PTPRN2: variants seen among roughly 807,000 people sequenced by gnomAD.
The protein encoded by PTPRN2 is protein tyrosine phosphatase receptor type N2, also known as receptor-type tyrosine-protein phosphatase N2.
PTPRN2 carries 74 observed loss-of-function variants against 118.8 expected under a neutral mutation model. That is an observed-to-expected ratio of 0.62 (90% CI 0.52 to 0.76). The LOEUF (loss-of-function observed/expected upper bound fraction) is 0.76, where lower values mean the gene tolerates loss of function less well. PTPRN2 is among the 30% of genes least tolerant of loss of function. The pLI is 0.00. For synonymous variants in PTPRN2, 641 were observed against 608.0 expected, an observed-to-expected ratio of 1.05 and a Z score of -0.80; for missense variants, 1,481 against 1,394.4, an observed-to-expected ratio of 1.06 and a Z score of -0.99.
At position 157,621,401 on chromosome 7, in the gene PTPRN2, C is replaced by T; in HGVS notation, c.2305G>A (p.Glu769Lys). ...AGGGAGCGGTTCTTGGGCACGTTCTCCTCCCTCTGGGCCACGAACGAGCTG... is the reference window on the plus strand; with the variant it reads ...AGGGAGCGGTTCTTGGGCACGTTCTTCTCCCTCTGGGCCACGAACGAGCTG... ...PNSSFVAQRE[E>K]NVPKNRSLAV... Residue 769 changes from glutamate (E) to lysine (K), a missense_variant, in exon 15 of 23, where the codon GAG becomes AAG. By Grantham distance (56) the Glu-to-Lys change is moderately conservative. Transcript: ENST00000389418. 1.2e-6 allele frequency: 2 copies of T among 1,605,542 alleles called. No homozygotes were observed. The highest frequency in any genetic ancestry group is 2.2e-5 in the East Asian group (1 of 44,634).
At chr7:158,458,037 G>A (rs1018078516) in intron 2 of PTPRN2, among the ~76,000 whole-genome samples, 4 of 152,218 alleles carry the variant, frequency 2.6e-5, no homozygotes, top group South Asian at 4.1e-4. Context: ...AAAGCTCTAA[G>A]AGAAAGTTAA....
chr7:158,293,903 A>G (rs1013636716), intron 3 of PTPRN2, among the ~76,000 whole-genome samples: 3 of 152,238 alleles, frequency 2.0e-5, no homozygotes, highest in Admixed American at 2.0e-4. Context: ...ATCATCTCCT[A>G]TGAGAAGAAT....
At chr7:158,338,650 T>A (rs534647439) in intron 2 of PTPRN2, among the ~76,000 whole-genome samples, 1 of 29,250 alleles carries the variant, frequency 3.4e-5, no homozygotes, top group African/African-American at 2.6e-4. Flanking sequence ...TAAAAGCTGA[T>A]GCCTGCAGAC....
intron 6 of PTPRN2, among the ~76,000 whole-genome samples, chr7:158,146,785 C>A (rs1044410380): frequency 1.3e-5 from 2 of 149,128 alleles, no homozygotes; most frequent in African/African-American, 5.0e-5. Flanking sequence ...TTCTTGAGGG[C>A]TACAACATTG....
chr7:157,848,397 C>T (rs1235554993), intron 12 of PTPRN2, among the ~76,000 whole-genome samples: 2 of 131,406 alleles, frequency 1.5e-5, no homozygotes, highest in South Asian at 2.5e-4. Flanking sequence ...CATATGTGCC[C>T]AATGTTTACA....
intron 2 of PTPRN2, among the ~76,000 whole-genome samples, chr7:158,410,847 G>A (rs4909214): frequency 4.2e-3 from 38 of 9,092 alleles, no homozygotes; most frequent in Admixed American, 6.2e-3. Context: ...GGGAGGCCCC[G>A]GAGGGACAGT....
chr7:158,368,944 A>G (rs2151311668), intron 2 of PTPRN2, among the ~76,000 whole-genome samples: 1 of 152,274 alleles, frequency 6.6e-6, no homozygotes, highest in African/African-American at 2.4e-5. Context: ...TGTGTCTGTG[A>G]GGGCGTTGCC....
Position 158,526,371 on chromosome 7 carries a change from C to T in PTPRN2, c.113-36586G>A, listed in dbSNP as rs1029264738. Among the ~76,000 whole-genome samples the T allele has an allele frequency of 3.9e-5, 6 of 152,324 alleles. No individual in the cohort carries two copies. Among genetic ancestry groups the T allele is most frequent in the Middle Eastern group, 6.8e-3 (2 of 294 alleles). ...CTGCAGAGATAACCAGGTAGAGCCA[C>T]GCTCACGAGAACCACCAGCCACTCT... is the stretch of plus-strand genomic sequence containing the variant. On this transcript the variant is annotated intron_variant, in intron 1 of 22. Coordinates refer to ENST00000389418, the MANE Select transcript of PTPRN2 (RefSeq NM_002847.5). The surrounding 1 kb of genome is among the most constrained non-coding windows in gnomAD (Gnocchi z 5.2).
At chr7:158,037,259 G>A (rs941641229) in intron 11 of PTPRN2, among the ~76,000 whole-genome samples, 1 of 152,242 alleles carries the variant, frequency 6.6e-6, no homozygotes, top group African/African-American at 2.4e-5. Flanking sequence ...CACATGCCAT[G>A]TAAGTACAGA....
chr7:158,404,767 T>C (rs1586587676), intron 2 of PTPRN2, among the ~76,000 whole-genome samples: 1 of 66,712 alleles, frequency 1.5e-5, no homozygotes, highest in Admixed American at 1.9e-4. Context: ...CGGCCTCAGC[T>C]CCCCGGCCCC....
In PTPRN2 at chr7:157,940,047, T is replaced by C. The variant is rs116096920; in HGVS notation, c.1724-41310A>G. ...CTGAGTGGAGGAAGGCGTCGCTGCA[T>C]GGGCAGTTGAGAGCAGAGAGGCCCC... is the stretch of plus-strand genomic sequence containing the variant. On this transcript the variant is annotated intron_variant, in intron 11 of 22. Coordinates refer to ENST00000389418, the MANE Select transcript of PTPRN2 (RefSeq NM_002847.5). Among the ~76,000 whole-genome samples the C allele has an allele frequency of 6.4e-3, 970 of 152,248 alleles. 9 individuals carry two copies. The highest frequency in any genetic ancestry group is 0.022 in the African/African-American group (905 of 41,532).
At chr7:158,232,405 G>GAA (rs1209063049) in intron 3 of PTPRN2, among the ~76,000 whole-genome samples, 1 of 151,960 alleles carries the variant, frequency 6.6e-6, no homozygotes, top group Non-Finnish European at 1.5e-5. Flanking sequence ...TGAAGAAATA[G>GAA]AAAACTTCAA....
intron 21 of PTPRN2, among the ~76,000 whole-genome samples, chr7:157,559,674 G>A (rs1031664127): frequency 2.0e-5 from 3 of 152,304 alleles, no homozygotes; most frequent in Non-Finnish European, 2.9e-5. Flanking sequence ...AGCCTGGACC[G>A]TGGAGCTGTG....
At chr7:157,984,306 CCACCCCA>C in intron 11 of PTPRN2, among the ~76,000 whole-genome samples, 1 of 134,146 alleles carries the variant, frequency 7.5e-6, no homozygotes, top group Non-Finnish European at 1.6e-5. Flanking sequence ...ACGCCAGGCT[CCACCCCA>C]TCCCACGCCA....
chr7:157,567,262 TA>T (rs1799533650), intron 21 of PTPRN2, among the ~76,000 whole-genome samples: 1 of 152,344 alleles, frequency 6.6e-6, no homozygotes, highest in East Asian at 1.9e-4. Flanking sequence ...AAAAAAGGAT[TA>T]AAAATATTAT....
intron 2 of PTPRN2, among the ~76,000 whole-genome samples, chr7:158,358,828 G>C (rs1456238206): frequency 6.6e-6 from 1 of 152,220 alleles, no homozygotes; most frequent in Non-Finnish European, 1.5e-5. Flanking sequence ...CAGAGGTTCT[G>C]TTTGGAATAG....
At chr7:157,602,625 A>C (rs1206593651) in intron 16 of PTPRN2, among the ~76,000 whole-genome samples, 2 of 135,820 alleles carry the variant, frequency 1.5e-5, no homozygotes, top group South Asian at 2.5e-4. Flanking sequence ...GCTGAGCGCC[A>C]TCTGCCATCA....
At chr7:158,470,255 T>C (rs1197190241) in intron 2 of PTPRN2, among the ~76,000 whole-genome samples, 1 of 152,208 alleles carries the variant, frequency 6.6e-6, no homozygotes, top group Non-Finnish European at 1.5e-5. Flanking sequence ...GGCCGACCAA[T>C]AGGATTTGAC....
intron 1 of PTPRN2, among the ~76,000 whole-genome samples, chr7:158,561,456 A>AT (rs1827384170): frequency 6.6e-6 from 1 of 152,152 alleles, no homozygotes; most frequent in African/African-American, 2.4e-5. Flanking sequence ...AATACAAGGA[A>AT]TTTTTTAAAG....
Sources: gnomAD v4.1 joint callset for allele counts (sites outside exome capture counted in the v4.1 genomes callset) on GRCh38, gnomAD v4.1.1 for gene constraint, Gnocchi (gnomAD v3.1) non-coding constraint, MANE v1.5 for transcripts, NCBI Gene and HGNC (gene_info 2026-07-23, HGNC 2026-07-21) for gene names.